GPR137C: variants seen among roughly 807,000 people sequenced by gnomAD.
GPR137C encodes integral membrane protein GPR137C.
Under a neutral mutation model 43.4 loss-of-function variants are expected in GPR137C, and 27 were observed. The observed-to-expected ratio is 0.62, with a 90% CI of 0.46 to 0.86. The LOEUF (loss-of-function observed/expected upper bound fraction) is 0.86. GPR137C is among the 40% of genes least tolerant of loss of function. The pLI, the probability that GPR137C is intolerant of heterozygous loss-of-function variation, is 0.00. For missense variants in GPR137C, 522 were observed against 534.6 expected, an observed-to-expected ratio of 0.98 and a Z score of 0.23; for synonymous variants, 285 against 226.9, an observed-to-expected ratio of 1.26 and a Z score of -2.30.
chr14:52,565,284 T>A (rs992220548), intron 1 of GPR137C, among the ~76,000 whole-genome samples: 2 of 152,222 alleles, frequency 1.3e-5, no homozygotes, highest in Non-Finnish European at 2.9e-5. Flanking sequence ...TTTCTTCTCC[T>A]CCTCTTCCTC....
chr14:52,575,543 A>G (rs560941515), intron 1 of GPR137C, among the ~76,000 whole-genome samples: 2 of 152,284 alleles, frequency 1.3e-5, no homozygotes, highest in African/African-American at 4.8e-5. Context: ...TTCTTAATAC[A>G]TTTTCTTGGG....
chr14:52,637,403 ATTACT>A lies in GPR137C; in HGVS notation c.*2290_*2294del, dbSNP rs1308195779. On this transcript the variant is annotated 3_prime_UTR_variant, in exon 7 of 7. Coordinates refer to ENST00000321662, the MANE Select transcript of GPR137C (RefSeq NM_001099652.2). ...TTTTGTTCATTAAAAAGTGAATTTCATTACTTAAGTGTGTAATTCTATAGTGATTA... is the reference window on the plus strand; with the variant it reads ...TTTTGTTCATTAAAAAGTGAATTTCATAAGTGTGTAATTCTATAGTGATTA... 6.6e-6 allele frequency: 1 copy of A among 152,130 alleles called. No homozygotes were observed. The highest frequency in any genetic ancestry group is 2.4e-5 in the African/African-American group (1 of 41,420). 9.4% of individuals were successfully genotyped at this position (152,130 alleles called of 1,614,324 possible).
intron 3 of GPR137C, among the ~76,000 whole-genome samples, chr14:52,601,498 GTA>G (rs1450171433): frequency 8.8e-4 from 131 of 148,264 alleles, no homozygotes; most frequent in East Asian, 8.5e-3. Flanking sequence ...GTGTGTGTGT[GTA>G]TATATATATA....
At chr14:52,616,426 TG>T (rs1462746457) in intron 3 of GPR137C, among the ~76,000 whole-genome samples, 1 of 152,190 alleles carries the variant, frequency 6.6e-6, no homozygotes, top group Non-Finnish European at 1.5e-5. Context: ...CACAAGTAGC[TG>T]GAATTACAGG....
chr14:52,634,049 A>C, intron 6 of GPR137C, 103 bp downstream of exon 6: 1 of 707,400 alleles, frequency 1.4e-6, no homozygotes, highest in Non-Finnish European at 2.5e-6. Context: ...TTTAGTGGTA[A>C]TATGTCAATA....
rs374097754 is a variant in GPR137C at position 52,552,922 on chromosome 14, C to G, written c.-226C>G. ...GTTTTTTGCAGCTACGGAGCCGAGCCGCAGCAGGAGGAGCCGAGACCCCCG... is the reference window on the plus strand; with the variant it reads ...GTTTTTTGCAGCTACGGAGCCGAGCGGCAGCAGGAGGAGCCGAGACCCCCG... On this transcript the variant is annotated 5_prime_UTR_variant, in exon 1 of 7. Transcript: ENST00000321662. 0.017 allele frequency among the ~76,000 whole-genome samples: 2,555 copies of G among 151,688 alleles called. 37 individuals carry two copies. Among genetic ancestry groups the G allele is most frequent in the Middle Eastern group, 0.048 (14 of 292 alleles).
In GPR137C at chr14:52,632,292, G is replaced by A. The variant is rs757031023; in HGVS notation, c.850G>A (p.Asp284Asn). Residue 284 changes from aspartate (D) to asparagine (N), a missense_variant, in exon 4 of 7, where the codon GAT becomes AAT. Asp to Asn is a conservative substitution (Grantham distance 23). Transcript: ENST00000321662. ...TLESPFNYGWDNLSDKAHVED... is the reference protein window; with the variant it reads ...TLESPFNYGWNNLSDKAHVED... ...AGAAAGTCCATTTAATTATGGCTGG[G>A]ATAATCTTTCAGATAAGGTAAATAC... 2 of 1,609,904 alleles carry A rather than the reference G, an allele frequency of 1.2e-6. No individual in the cohort carries two copies. The highest frequency in any genetic ancestry group is 2.2e-5 in the East Asian group (1 of 44,840).
chr14:52,573,658 G>T (rs893342458), intron 1 of GPR137C, among the ~76,000 whole-genome samples: 4 of 152,006 alleles, frequency 2.6e-5, no homozygotes, highest in African/African-American at 9.7e-5. Context: ...AGGACATAGG[G>T]ATGGGCAAAG....
At chr14:52,619,909 G>T (rs1171108748) in intron 3 of GPR137C, among the ~76,000 whole-genome samples, 1 of 151,772 alleles carries the variant, frequency 6.6e-6, no homozygotes, top group Non-Finnish European at 1.5e-5. Flanking sequence ...TTTCAAAATG[G>T]AAATAGTATT....
chr14:52,596,074 C>T (rs2038850699), intron 1 of GPR137C, among the ~76,000 whole-genome samples: 1 of 152,216 alleles, frequency 6.6e-6, no homozygotes, highest in Non-Finnish European at 1.5e-5. Flanking sequence ...AACAGTCAGG[C>T]CTCTCAACTG....
chr14:52,570,253 G>A (rs1314635739), intron 1 of GPR137C, among the ~76,000 whole-genome samples: 1 of 152,098 alleles, frequency 6.6e-6, no homozygotes, highest in Non-Finnish European at 1.5e-5. Flanking sequence ...ACTAAGCTTT[G>A]TAAGTGAAGG....
Position 52,636,340 on chromosome 14 carries a change from G to C in GPR137C, c.*1225G>C, listed in dbSNP as rs2039352442. The stretch of plus-strand genomic sequence containing the variant: ...TCCCAAATCTAAAAAAAAAGAAAAT[G>C]GCAGGCTGAGATAATACAGAATTTT... On this transcript the variant is annotated 3_prime_UTR_variant, in exon 7 of 7. Coordinates refer to ENST00000321662, the MANE Select transcript of GPR137C (RefSeq NM_001099652.2). 1 of 151,906 alleles carries C rather than the reference G, an allele frequency of 6.6e-6. No homozygotes were observed. The highest frequency in any genetic ancestry group is 2.4e-5 in the African/African-American group (1 of 41,398). The allele number at this position is 151,906 out of a possible 1,614,324, so 9.4% of individuals were successfully genotyped here.
At chr14:52,624,410 G>C (rs961298643) in intron 3 of GPR137C, among the ~76,000 whole-genome samples, 5 of 152,036 alleles carry the variant, frequency 3.3e-5, no homozygotes, top group Non-Finnish European at 7.4e-5. Context: ...ATGGTAGTGG[G>C]AGTGTGTGGA....
chr14:52,600,328 A>C lies in GPR137C; in HGVS notation c.704A>C (p.Tyr235Ser), dbSNP rs2038909268. 6.4e-7 allele frequency: 1 copy of C among 1,574,778 alleles called. No individual in the cohort carries two copies. Among genetic ancestry groups the C allele is most frequent in the South Asian group, 1.1e-5 (1 of 89,692 alleles). Residue 235 changes from tyrosine to serine, a missense_variant, in exon 3 of 7, where the codon TAC (tyrosine) becomes TCC (serine). Transcript: ENST00000321662. The part of the protein sequence containing the change: ...KITKMSSANV[Y>S]LESKGMSLCQ... ...ACAAAAATGTCATCAGCTAATGTCT[A>C]CCTCGAATCAAAGGTAAGAATATTT... is the stretch of plus-strand genomic sequence containing the variant.
At chr14:52,571,501 C>T (rs556151565) in intron 1 of GPR137C, among the ~76,000 whole-genome samples, 3 of 151,972 alleles carry the variant, frequency 2.0e-5, no homozygotes, top group Admixed American at 6.6e-5. Flanking sequence ...AGTGAAACCC[C>T]GTCTCTACTA....
chr14:52,569,910 G>A (rs1392413953), intron 1 of GPR137C, among the ~76,000 whole-genome samples: 1 of 150,802 alleles, frequency 6.6e-6, no homozygotes, highest in Non-Finnish European at 1.5e-5. Context: ...ATCCTGAAGT[G>A]GGAAAACACT....
intron 1 of GPR137C, among the ~76,000 whole-genome samples, chr14:52,558,897 C>A (rs1396633682): frequency 6.6e-6 from 1 of 152,056 alleles, no homozygotes; most frequent in Non-Finnish European, 1.5e-5. Flanking sequence ...ATGGAAGATA[C>A]AACCAATGGG....
chr14:52,609,596 G>T (rs1482454641), intron 3 of GPR137C, among the ~76,000 whole-genome samples: 3 of 152,194 alleles, frequency 2.0e-5, no homozygotes, highest in Non-Finnish European at 4.4e-5. Context: ...TGTGTTTCCT[G>T]AGCCTGTGTC....
chr14:52,552,964 AG>A lies in GPR137C; in HGVS notation c.-182del, dbSNP rs948251576. 4.5e-4 allele frequency among the ~76,000 whole-genome samples: 56 copies of A among 125,120 alleles called. No homozygotes were observed. The highest frequency in any genetic ancestry group is 1.6e-3 in the African/African-American group (52 of 33,022). 82.1% of individuals were successfully genotyped at this position (125,120 alleles called of 152,430 possible). ...AGACCCCCGGGGGGTGGGGGGAAAG[AG>A]GAGGCGGGGTCCGGGGGAGCCGCGG... On this transcript the variant is annotated 5_prime_UTR_variant, in exon 1 of 7. Coordinates refer to ENST00000321662, the MANE Select transcript of GPR137C (RefSeq NM_001099652.2).
Sources: gnomAD v4.1 joint callset for allele counts (sites outside exome capture counted in the v4.1 genomes callset) on GRCh38, gnomAD v4.1.1 for gene constraint, MANE v1.5 for transcripts, NCBI Gene and HGNC (gene_info 2026-07-23, HGNC 2026-07-21) for gene names.